The following GBP7 variants were observed in gnomAD, a reference collection of about 807,000 sequenced individuals.
The protein encoded by GBP7 is guanylate-binding protein 7.
GBP7 carries 43 observed loss-of-function variants against 61.3 expected under a neutral mutation model. That is an observed-to-expected ratio of 0.70 (90% CI 0.55 to 0.91). GBP7 has a LOEUF of 0.91. GBP7 is among the 40% of genes least tolerant of loss of function. GBP7 has a pLI of 0.00. For missense variants in GBP7, 717 were observed against 740.5 expected, an observed-to-expected ratio of 0.97 and a Z score of 0.37; for synonymous variants, 267 against 271.0, an observed-to-expected ratio of 0.99 and a Z score of 0.14.
chr1:89,152,791 A>T lies in GBP7; in HGVS notation c.319-14T>A, dbSNP rs76415505. 1 of 692,866 alleles carries T rather than the reference A, an allele frequency of 1.4e-6. No homozygotes were observed. The highest frequency in any genetic ancestry group is 2.7e-5 in the South Asian group (1 of 37,606). 42.9% of individuals were successfully genotyped at this position (692,866 alleles called of 1,614,324 possible). A position where few individuals can be genotyped will look rare whatever the true frequency, so the allele number is the denominator to read the frequency against. On this transcript the variant is annotated splice_polypyrimidine_tract_variant and intron_variant, in intron 3 of 10. Transcript: ENST00000294671. ...CTTAGGGTCACTCTAGTGTTAAAGA[A>T]AAAAAAAAAAAAAATGGAAGCCACA... is the stretch of plus-strand genomic sequence containing the variant.
At chr1:89,140,058 A>C (rs1443819060) in intron 9 of GBP7, among the ~76,000 whole-genome samples, 1 of 152,096 alleles carries the variant, frequency 6.6e-6, no homozygotes, top group Non-Finnish European at 1.5e-5. Context: ...TCCAACAACG[A>C]TAGACTGGAT....
intron 3 of GBP7, among the ~76,000 whole-genome samples, chr1:89,155,825 G>A (rs1682304903): frequency 6.6e-6 from 1 of 152,138 alleles, no homozygotes; most frequent in Non-Finnish European, 1.5e-5. Context: ...TAGCAAGGCA[G>A]GCCAACATTC....
chr1:89,169,562 C>G (rs1647541872), intron 2 of GBP7, among the ~76,000 whole-genome samples: 1 of 152,162 alleles, frequency 6.6e-6, no homozygotes, highest in Non-Finnish European at 1.5e-5. Flanking sequence ...TATCTACAAC[C>G]TGGACTAAAT....
chr1:89,147,857 A>G, intron 7 of GBP7, 78 bp from the exon 8 acceptor site: 1 of 1,466,864 alleles, frequency 6.8e-7, no homozygotes, highest in Non-Finnish European at 9.5e-7. Flanking sequence ...TCTTGGAAGA[A>G]GTAGTCTCAT....
intron 2 of GBP7, among the ~76,000 whole-genome samples, chr1:89,168,894 G>A (rs547733251): frequency 6.6e-5 from 10 of 152,108 alleles, no homozygotes; most frequent in South Asian, 2.1e-4. Context: ...GCTTGAACCC[G>A]GGAGGCGGAG....
chr1:89,143,960 A>G (rs1324005112), intron 8 of GBP7, among the ~76,000 whole-genome samples: 1 of 152,188 alleles, frequency 6.6e-6, no homozygotes, highest in Non-Finnish European at 1.5e-5. Context: ...TTTGGGCTTC[A>G]GTCAAAACAG....
At chr1:89,171,717 C>T in intron 2 of GBP7, 29 bp downstream of exon 2, 1 of 1,600,306 alleles carries the variant, frequency 6.2e-7, no homozygotes, top group Non-Finnish European at 8.5e-7. Flanking sequence ...ACAGATGGGG[C>T]TCATCCATGC....
chr1:89,171,695 C>A, intron 2 of GBP7, 51 bp downstream of exon 2: 2 of 1,520,652 alleles, frequency 1.3e-6, no homozygotes, highest in Non-Finnish European at 1.8e-6. Flanking sequence ...TAGATACTGA[C>A]TGTGTAACTG....
intron 3 of GBP7, among the ~76,000 whole-genome samples, chr1:89,153,018 A>T (rs1338915541): frequency 6.6e-6 from 1 of 152,242 alleles, no homozygotes; most frequent in East Asian, 1.9e-4. Flanking sequence ...TTGTTAATGT[A>T]TAAAGCCAAT....
chr1:89,166,837 A>T (rs1008239265), intron 2 of GBP7, among the ~76,000 whole-genome samples: 2 of 152,232 alleles, frequency 1.3e-5, no homozygotes, highest in Non-Finnish European at 2.9e-5. Context: ...GAGTCCCTGC[A>T]ATCAGGGTGC....
At chr1:89,134,785 CAG>C (rs895298342) in intron 9 of GBP7, among the ~76,000 whole-genome samples, 9 of 152,154 alleles carry the variant, frequency 5.9e-5, no homozygotes, top group African/African-American at 2.2e-4. Context: ...CTCAAAAAAC[CAG>C]AGTGTCTCTT....
chr1:89,147,500 C>T, intron 8 of GBP7, 67 bp downstream of exon 8: 2 of 1,239,520 alleles, frequency 1.6e-6, no homozygotes, highest in Non-Finnish European at 1.2e-6. Context: ...CTTAGATTTT[C>T]AGAAGAGGCA....
chr1:89,150,553 A>T lies in GBP7; in HGVS notation c.648T>A (p.Asn216Lys). The part of the protein sequence containing the change: ...LISGKNPQIQ[N>K]SNKPREWIRH... ...TGATCCACTCCCTGGGCTTGTTAGA[A>T]TTTTGGATTTGGGGATTCTTGCCTG... The change falls in exon 6 of 11, where the codon AAT (asparagine) becomes AAA (lysine). Residue 216 changes from asparagine (N) to lysine (K), a missense_variant. Around this residue, in one of 3 missense-constraint regions of GBP7, gnomAD observed 387 missense variants for 385.2 expected, o/e 1.00. Transcript: ENST00000294671. 1 of 1,613,828 alleles carries T rather than the reference A, an allele frequency of 6.2e-7. No individual in the cohort carries two copies. The highest frequency in any genetic ancestry group is 8.5e-7 in the Non-Finnish European group (1 of 1,179,800).
At chr1:89,166,341 C>T (rs139999875) in intron 2 of GBP7, among the ~76,000 whole-genome samples, 1 of 152,246 alleles carries the variant, frequency 6.6e-6, no homozygotes, top group East Asian at 1.9e-4. Context: ...AGCATCCACT[C>T]TAGTACAGTC....
chr1:89,161,199 A>T (rs1009298047), intron 3 of GBP7, among the ~76,000 whole-genome samples: 1 of 151,976 alleles, frequency 6.6e-6, no homozygotes, highest in Admixed American at 6.6e-5. Flanking sequence ...CTTTAAATTG[A>T]TGCCATGTCT....
At chr1:89,173,407 T>A (rs1044708489) in intron 1 of GBP7, among the ~76,000 whole-genome samples, 7 of 152,244 alleles carry the variant, frequency 4.6e-5, no homozygotes, top group African/African-American at 1.4e-4. Flanking sequence ...AGCTTTTGAC[T>A]TTCCTTTTTA....
chr1:89,138,566 A>ACTAC (rs1320784047), intron 9 of GBP7, among the ~76,000 whole-genome samples: 79 of 152,326 alleles, frequency 5.2e-4, no homozygotes, highest in Non-Finnish European at 3.4e-4. Context: ...AGCTAACAAA[A>ACTAC]AAAGCAATGG....
intron 2 of GBP7, among the ~76,000 whole-genome samples, chr1:89,171,318 GC>G (rs1431074281): frequency 6.6e-6 from 1 of 152,090 alleles, no homozygotes; most frequent in Non-Finnish European, 1.5e-5. Flanking sequence ...GCCACACTGA[GC>G]CCCTGACACT....
At chr1:89,158,959 C>T (rs1444797520) in intron 3 of GBP7, among the ~76,000 whole-genome samples, 1 of 152,190 alleles carries the variant, frequency 6.6e-6, no homozygotes, top group African/African-American at 2.4e-5. Context: ...CGATTTCAAA[C>T]TATACTACAA....
Sources: allele counts gnomAD v4.1 joint callset (sites outside exome capture counted in the v4.1 genomes callset), GRCh38; gene constraint gnomAD v4.1.1; regional missense constraint gnomAD v4.1.1; transcripts MANE v1.5; gene names NCBI Gene and HGNC (gene_info 2026-07-23, HGNC 2026-07-21).